The following ERP44 variants were observed in gnomAD, a reference collection of about 807,000 sequenced individuals.
ERP44 encodes endoplasmic reticulum resident protein 44.
ERP44 carries 25 observed loss-of-function variants against 53.4 expected under a neutral mutation model. That is an observed-to-expected ratio of 0.47 (90% CI 0.34 to 0.65). The LOEUF (loss-of-function observed/expected upper bound fraction) is 0.65, where lower values mean the gene tolerates loss of function less well. ERP44 is among the 30% of genes least tolerant of loss of function. The probability of loss-of-function intolerance (pLI) is 0.01; values close to 1 mark genes in which losing one functional copy is unlikely to be tolerated. For synonymous variants in ERP44, 145 were observed against 161.2 expected (o/e 0.90, Z 0.76); for missense variants, 338 against 493.2 (o/e 0.69, Z 2.98).
rs1830148816 is a variant in ERP44 at position 99,981,529 on chromosome 9, T to A, written c.*1083A>T. Reference sequence around the variant, plus strand: ...TTTGAACCTGTCTGTCCTCTGGCACTGGGCTTCCTGATATGACACTGAGGG... The same window carrying A: ...TTTGAACCTGTCTGTCCTCTGGCACAGGGCTTCCTGATATGACACTGAGGG... On this transcript the variant is annotated 3_prime_UTR_variant, in exon 12 of 12. Coordinates refer to ENST00000262455, the MANE Select transcript of ERP44 (RefSeq NM_015051.3). 1 of 152,660 alleles carries A rather than the reference T, an allele frequency of 6.6e-6. No homozygotes were observed. Among genetic ancestry groups the A allele is most frequent in the Non-Finnish European group, 1.5e-5 (1 of 68,048 alleles). 9.5% of individuals were successfully genotyped at this position (152,660 alleles called of 1,614,324 possible).
intron 3 of ERP44, among the ~76,000 whole-genome samples, chr9:100,057,278 T>C (rs1826095947): frequency 6.6e-6 from 1 of 152,200 alleles, no homozygotes; most frequent in Non-Finnish European, 1.5e-5. Flanking sequence ...CTATATACCA[T>C]GTTGTTCTAG....
chr9:100,022,544 C>A (rs960046759), intron 4 of ERP44, among the ~76,000 whole-genome samples: 20 of 152,192 alleles, frequency 1.3e-4, no homozygotes, highest in African/African-American at 4.8e-4. Flanking sequence ...TCTTAAGTAT[C>A]AAATTAAATA....
intron 1 of ERP44, among the ~76,000 whole-genome samples, chr9:100,081,185 C>G (rs1335599394): frequency 6.6e-6 from 1 of 151,532 alleles, no homozygotes; most frequent in African/African-American, 2.4e-5. Context: ...AGAGATATAC[C>G]TATAAAAGAT....
intron 1 of ERP44, among the ~76,000 whole-genome samples, chr9:100,069,282 A>T (rs1009319839): frequency 6.6e-6 from 1 of 150,418 alleles, no homozygotes; most frequent in Non-Finnish European, 1.5e-5. Context: ...CCCAAGAATG[A>T]TCAATAAAAA....
chr9:100,046,410 G>A (rs1366138186), intron 4 of ERP44, among the ~76,000 whole-genome samples: 1 of 151,954 alleles, frequency 6.6e-6, no homozygotes, highest in Non-Finnish European at 1.5e-5. Context: ...TTGATGTTAG[G>A]GCAAAATAGG....
At chr9:100,054,631 T>C (rs1476941713) in intron 3 of ERP44, among the ~76,000 whole-genome samples, 1 of 152,198 alleles carries the variant, frequency 6.6e-6, no homozygotes, top group Non-Finnish European at 1.5e-5. Context: ...TTGAAGCATT[T>C]TGGATTTCGT....
At chr9:100,048,842 A>G (rs1321913914) in intron 4 of ERP44, among the ~76,000 whole-genome samples, 1 of 152,150 alleles carries the variant, frequency 6.6e-6, no homozygotes, top group Non-Finnish European at 1.5e-5. Context: ...GAAGGTAGAA[A>G]AGTGGTTGCC....
At chr9:100,055,354 T>C (rs565562575) in intron 3 of ERP44, among the ~76,000 whole-genome samples, 1 of 152,314 alleles carries the variant, frequency 6.6e-6, no homozygotes, top group Non-Finnish European at 1.5e-5. Flanking sequence ...CCATTTACCC[T>C]GATGTGTGTT....
intron 8 of ERP44, among the ~76,000 whole-genome samples, chr9:100,014,731 C>T (rs1207180984): frequency 6.6e-6 from 1 of 152,262 alleles, no homozygotes; most frequent in Admixed American, 6.5e-5. Context: ...TGTGCTACAA[C>T]TGCAAAGCTG....
intron 1 of ERP44, among the ~76,000 whole-genome samples, chr9:100,062,674 A>G (rs1826164866): frequency 6.6e-6 from 1 of 152,204 alleles, no homozygotes. Flanking sequence ...TTGTGTTGGG[A>G]ACACTCCAAA....
chr9:100,043,025 C>T lies in ERP44; in HGVS notation c.286+9392G>A, dbSNP rs575237332. Among the ~76,000 whole-genome samples, 9 of 150,412 alleles carry T rather than the reference C, an allele frequency of 6.0e-5. No individual in the cohort carries two copies. In the South Asian group the frequency reaches 1.1e-3, roughly 18 times the overall value. ...CTGTAATCCCAGCACTTTGGGAGGCCGAAGCGGGCGAATCATGAGGTCAGG... is the reference window on the plus strand; with the variant it reads ...CTGTAATCCCAGCACTTTGGGAGGCTGAAGCGGGCGAATCATGAGGTCAGG... On this transcript the variant is annotated intron_variant, in intron 4 of 11. Transcript: ENST00000262455.
Position 99,999,333 on chromosome 9 carries a change from T to C in ERP44, c.1016+7173A>G, listed in dbSNP as rs145565980. Among the ~76,000 whole-genome samples the C allele has an allele frequency of 3.5e-4, 54 of 152,372 alleles. No individual in the cohort carries two copies. The East Asian group carries it at 9.4e-3, about 27-fold the overall frequency. On this transcript the variant is annotated intron_variant, in intron 10 of 11. Coordinates refer to ENST00000262455, the MANE Select transcript of ERP44 (RefSeq NM_015051.3). ...TTTTTTTCTTACTGATTTAAGTTCA[T>C]TGTCGATTCTGGATGTTAGTCCTTT...
chr9:100,098,202 G>C (rs1199144191), intron 1 of ERP44, among the ~76,000 whole-genome samples: 1 of 152,178 alleles, frequency 6.6e-6, no homozygotes, highest in African/African-American at 2.4e-5. Flanking sequence ...TAAGATTTGA[G>C]GGAGGCCTTG....
intron 10 of ERP44, among the ~76,000 whole-genome samples, chr9:99,988,692 G>A (rs1830221138): frequency 6.6e-6 from 1 of 152,204 alleles, no homozygotes; most frequent in Non-Finnish European, 1.5e-5. Flanking sequence ...GACAGTGGAT[G>A]CAGCCCATGG....
chr9:100,041,148 T>A (rs1030985556), intron 4 of ERP44, among the ~76,000 whole-genome samples: 1 of 151,940 alleles, frequency 6.6e-6, no homozygotes, highest in Non-Finnish European at 1.5e-5. Context: ...AGAAAAACAA[T>A]CCTAAAGTTT....
chr9:100,048,694 G>C (rs1269555639), intron 4 of ERP44, among the ~76,000 whole-genome samples: 1 of 152,172 alleles, frequency 6.6e-6, no homozygotes, highest in East Asian at 1.9e-4. Context: ...TTAAAAAGTA[G>C]GGAAATTCTG....
At chr9:100,001,811 C>T (rs143450621) in intron 10 of ERP44, among the ~76,000 whole-genome samples, 6 of 152,270 alleles carry the variant, frequency 3.9e-5, no homozygotes, top group African/African-American at 1.4e-4. Context: ...AAGACATTTA[C>T]ATTCAAATTA....
chr9:100,002,034 A>C (rs974162399), intron 10 of ERP44, among the ~76,000 whole-genome samples: 8 of 152,034 alleles, frequency 5.3e-5, no homozygotes, highest in African/African-American at 1.9e-4. Context: ...ATATAATTAT[A>C]ATAGGGTTTT....
chr9:100,082,150 T>A (rs969394398), intron 1 of ERP44, among the ~76,000 whole-genome samples: 3 of 152,108 alleles, frequency 2.0e-5, no homozygotes, highest in Admixed American at 6.5e-5. Context: ...AAAAGGACAC[T>A]TGAGCTTGTA....
Sources: allele counts gnomAD v4.1 joint callset (sites outside exome capture counted in the v4.1 genomes callset), GRCh38; gene constraint gnomAD v4.1.1; transcripts MANE v1.5; gene names NCBI Gene and HGNC (gene_info 2026-07-23, HGNC 2026-07-21).